The following ASGR2 variants were observed in gnomAD, a reference collection of about 807,000 sequenced individuals.
ASGR2 encodes C-type lectin domain family 4 member H2.
Under a neutral mutation model 32.3 loss-of-function variants are expected in ASGR2, and 34 were observed. The observed-to-expected ratio is 1.05, with a 90% confidence interval of 0.80 to 1.40. The LOEUF (loss-of-function observed/expected upper bound fraction) is 1.40. Among genes scored for constraint, ASGR2 ranks in the 40% most tolerant of loss-of-function variants. The pLI, the probability that ASGR2 is intolerant of heterozygous loss-of-function variation, is 0.00. For synonymous variants in ASGR2, 143 were observed against 150.0 expected (o/e 0.95, Z 0.34); for missense variants, 385 against 386.4 (o/e 1.00, Z 0.03).
Position 7,113,868 on chromosome 17 carries a change from C to T in ASGR2, c.124+249G>A, listed in dbSNP as rs572983834. Among the ~76,000 whole-genome samples the T allele has an allele frequency of 1.6e-3, 242 of 152,344 alleles. 1 individual carries two copies. Among genetic ancestry groups the T allele is most frequent in the Non-Finnish European group, 2.7e-3 (183 of 68,036 alleles). ...ATGCACATACGTGCACACGCACATA[C>T]GAGGCACATGTGTTCTTGGGTTGGG... On this transcript the variant is annotated intron_variant, in intron 2 of 8. Transcript: ENST00000691900. This position sits in a 1 kb window ranked among gnomAD's most constrained non-coding sequence, Gnocchi z 5.1.
intron 2 of ASGR2, among the ~76,000 whole-genome samples, chr17:7,111,158 G>A (rs529902279): frequency 1.4e-3 from 206 of 152,268 alleles, no homozygotes; most frequent in African/African-American, 4.8e-3. Context: ...GCAATGAAAC[G>A]GGAAAACACA....
At chr17:7,111,971 A>G (rs562452930) in intron 2 of ASGR2, among the ~76,000 whole-genome samples, 41 of 135,252 alleles carry the variant, frequency 3.0e-4, no homozygotes, top group Non-Finnish European at 5.9e-4. Flanking sequence ...TGAGCCCAGG[A>G]GGTGGAGGCC....
chr17:7,113,830 C>A lies in ASGR2; in HGVS notation c.124+287G>T, dbSNP rs116411060. On this transcript the variant is annotated intron_variant, in intron 2 of 8. Coordinates refer to ENST00000691900, the MANE Select transcript of ASGR2 (RefSeq NM_001201352.2). The surrounding 1 kb of genome is among the most constrained non-coding windows in gnomAD (Gnocchi z 5.1). ...CACACACACAGAGTCCCAGCTGAAT[C>A]TGCATTCCTCATATGCACATACGTG... Among the ~76,000 whole-genome samples the A allele has an allele frequency of 2.5e-3, 382 of 152,290 alleles. 2 individuals carry two copies. The highest frequency in any genetic ancestry group is 8.7e-3 in the African/African-American group (363 of 41,544).
Position 7,108,045 on chromosome 17 carries a change from GCACTGCCA to G in ASGR2, c.338-146_338-139del. On this transcript the variant is annotated intron_variant, in intron 4 of 8. Transcript: ENST00000691900. This position sits in a 1 kb window ranked among gnomAD's most constrained non-coding sequence, Gnocchi z 4.9. ...TTCCTGGACCACACCCAGGCTCCCT[GCACTGCCA>G]CAGTGGCTCAGGCCACTCTCCTGCT... 2 of 878,484 alleles carry G rather than the reference GCACTGCCA, an allele frequency of 2.3e-6. No individual in the cohort carries two copies. The highest frequency in any genetic ancestry group is 3.5e-6 in the Non-Finnish European group (2 of 569,624). 54.4% of individuals were successfully genotyped at this position (878,484 alleles called of 1,614,324 possible). A position where few individuals can be genotyped will look rare whatever the true frequency, so the allele number is the denominator to read the frequency against.
At chr17:7,105,426 C>A (rs1913529238) in intron 7 of ASGR2, among the ~76,000 whole-genome samples, 1 of 151,998 alleles carries the variant, frequency 6.6e-6, no homozygotes, top group Non-Finnish European at 1.5e-5. Flanking sequence ...ACCTGTAATC[C>A]CAATATTTTG....
At position 7,107,988 on chromosome 17, in the gene ASGR2, G is replaced by C. The variant is rs1264430365; in HGVS notation, c.338-81C>G. ...CTGGGGGACCGGGGGCCAGCGCCTC[G>C]TCCTGGGCGATGCAGGCGTCCACCT... On this transcript the variant is annotated intron_variant, in intron 4 of 8. Transcript: ENST00000691900. The surrounding 1 kb of genome is among the most constrained non-coding windows in gnomAD (Gnocchi z 5.0). The C allele has an allele frequency of 6.5e-7, 1 of 1,530,856 alleles. No individual in the cohort carries two copies. Among genetic ancestry groups the C allele is most frequent in the African/African-American group, 1.4e-5 (1 of 72,956 alleles). 94.8% of individuals were successfully genotyped at this position (1,530,856 alleles called of 1,614,324 possible). A position where few individuals can be genotyped will look rare whatever the true frequency, so the allele number is the denominator to read the frequency against.
At chr17:7,106,632 G>A (rs559507923) in intron 7 of ASGR2, among the ~76,000 whole-genome samples, 191 of 152,206 alleles carry the variant, frequency 1.3e-3, no homozygotes, top group African/African-American at 4.5e-3. Context: ...AGCCAGACGC[G>A]GTGGTTCACG....
rs1055383595 is a variant in ASGR2, at chr17:7,113,269, C to G, written c.124+848G>C. On this transcript the variant is annotated intron_variant, in intron 2 of 8. Coordinates refer to ENST00000691900, the MANE Select transcript of ASGR2 (RefSeq NM_001201352.2). The surrounding 1 kb of genome is among the most constrained non-coding windows in gnomAD (Gnocchi z 5.1). ...CTGTGCTCACGTCCCCCACCCATCC[C>G]AACTCACCCCACCTCTACACACACA... Among the ~76,000 whole-genome samples the G allele has an allele frequency of 9.4e-5, 14 of 149,676 alleles. No homozygotes were observed. The highest frequency in any genetic ancestry group is 1.8e-4 in the Non-Finnish European group (12 of 67,636).
rs1913954095 is a variant in ASGR2, at chr17:7,107,607, CACAT to C, written c.409+225_409+228del. ...CAGACTCATCTCACACACACCACCACACATGCATACACACACAACACACACATAT... is the reference window on the plus strand; with the variant it reads ...CAGACTCATCTCACACACACCACCACGCATACACACACAACACACACATAT... On this transcript the variant is annotated intron_variant, in intron 5 of 8. Coordinates refer to ENST00000691900, the MANE Select transcript of ASGR2 (RefSeq NM_001201352.2). The surrounding 1 kb of genome is among the most constrained non-coding windows in gnomAD (Gnocchi z 5.0). 1.5e-6 allele frequency: 1 copy of C among 659,106 alleles called. No individual in the cohort carries two copies. The highest frequency in any genetic ancestry group is 1.8e-5 in the African/African-American group (1 of 55,810). 40.8% of individuals were successfully genotyped at this position (659,106 alleles called of 1,614,324 possible). A position where few individuals can be genotyped will look rare whatever the true frequency, so the allele number is the denominator to read the frequency against.
Position 7,114,370 on chromosome 17 carries a change from G to T in ASGR2, c.-70-60C>A. 1 of 1,457,820 alleles carries T rather than the reference G, an allele frequency of 6.9e-7. No individual in the cohort carries two copies. Among genetic ancestry groups the T allele is most frequent in the Non-Finnish European group, 9.0e-7 (1 of 1,109,014 alleles). 90.3% of individuals were successfully genotyped at this position (1,457,820 alleles called of 1,614,324 possible). A position where few individuals can be genotyped will look rare whatever the true frequency, so the allele number is the denominator to read the frequency against. ...TGGTGGGATGGAACGCAGGGTCGGAGGGGTTCGGGGTGGTGGCCTGGGTAG... is the reference window on the plus strand; with the variant it reads ...TGGTGGGATGGAACGCAGGGTCGGATGGGTTCGGGGTGGTGGCCTGGGTAG... On this transcript the variant is annotated intron_variant, in intron 1 of 8. Coordinates refer to ENST00000691900, the MANE Select transcript of ASGR2 (RefSeq NM_001201352.2). This position sits in a 1 kb window ranked among gnomAD's most constrained non-coding sequence, Gnocchi z 4.5.
rs1488641339 is a variant in ASGR2 at position 7,113,675 on chromosome 17, C to A, written c.124+442G>T. Among the ~76,000 whole-genome samples the A allele has an allele frequency of 6.6e-6, 1 of 151,426 alleles. No individual in the cohort carries two copies. Among genetic ancestry groups the A allele is most frequent in the African/African-American group, 2.4e-5 (1 of 41,206 alleles). On this transcript the variant is annotated intron_variant, in intron 2 of 8. Coordinates refer to ENST00000691900, the MANE Select transcript of ASGR2 (RefSeq NM_001201352.2). The surrounding 1 kb of genome is among the most constrained non-coding windows in gnomAD (Gnocchi z 5.1). ...ACACTCACACACAAGATACACACAA[C>A]ATATACTCACACAACATACACACAC...
intron 7 of ASGR2, among the ~76,000 whole-genome samples, chr17:7,103,832 C>T (rs1913196040): frequency 6.6e-6 from 1 of 152,018 alleles, no homozygotes; most frequent in Non-Finnish European, 1.5e-5. Context: ...GCACAACGTG[C>T]AGGTTTGTTA....
chr17:7,105,711 A>T (rs1293645633), intron 7 of ASGR2, among the ~76,000 whole-genome samples: 1 of 152,096 alleles, frequency 6.6e-6, no homozygotes, highest in Non-Finnish European at 1.5e-5. Context: ...CCTATATAGG[A>T]GAAATACCTT....
chr17:7,102,709 C>T (rs758571159), intron 7 of ASGR2, among the ~76,000 whole-genome samples: 1 of 152,198 alleles, frequency 6.6e-6, no homozygotes, highest in African/African-American at 2.4e-5. Flanking sequence ...TTTCACTGGC[C>T]TCTCAAGTAC....
chr17:7,111,188 A>G (rs1367770163), intron 2 of ASGR2, among the ~76,000 whole-genome samples: 2 of 152,390 alleles, frequency 1.3e-5, no homozygotes, highest in African/African-American at 4.8e-5. Flanking sequence ...GAGGAGGTTC[A>G]TAAATATCAA....
chr17:7,110,263 C>T lies in ASGR2; in HGVS notation c.125-1375G>A, dbSNP rs74525166. 5.6e-3 allele frequency among the ~76,000 whole-genome samples: 847 copies of T among 152,284 alleles called. 9 individuals carry two copies. Among genetic ancestry groups the T allele is most frequent in the East Asian group, 0.051 (263 of 5,180 alleles). The stretch of plus-strand genomic sequence containing the variant: ...AGGCCTCTGACACCTCCACTGCCCA[C>T]TCCCGCTCTGAGCACAGCCCCACCC... On this transcript the variant is annotated intron_variant, in intron 2 of 8. Coordinates refer to ENST00000691900, the MANE Select transcript of ASGR2 (RefSeq NM_001201352.2).
chr17:7,107,977 G>A lies in ASGR2; in HGVS notation c.338-70C>T, dbSNP rs1597385096. 1.9e-6 allele frequency: 3 copies of A among 1,575,858 alleles called. No homozygotes were observed. Among genetic ancestry groups the A allele is most frequent in the East Asian group, 2.3e-5 (1 of 43,972 alleles). ...TCCTCATGCTGCTGGGGGACCGGGG[G>A]CCAGCGCCTCGTCCTGGGCGATGCA... is the stretch of plus-strand genomic sequence containing the variant. On this transcript the variant is annotated intron_variant, in intron 4 of 8. Transcript: ENST00000691900. This position sits in a 1 kb window ranked among gnomAD's most constrained non-coding sequence, Gnocchi z 5.0.
chr17:7,108,341 C>T lies in ASGR2; in HGVS notation c.337+121G>A. On this transcript the variant is annotated intron_variant, in intron 4 of 8. Transcript: ENST00000691900. The surrounding 1 kb of genome is among the most constrained non-coding windows in gnomAD (Gnocchi z 4.9). The stretch of plus-strand genomic sequence containing the variant: ...CCTCCCTCCTATACATCCCCCAGGG[C>T]CCCTGGACGCCTTGCCCAGCCTGCA... 4 of 1,031,484 alleles carry T rather than the reference C, an allele frequency of 3.9e-6. No individual in the cohort carries two copies. Among genetic ancestry groups the T allele is most frequent in the Non-Finnish European group, 5.6e-6 (4 of 708,608 alleles). The allele number at this position is 1,031,484 out of a possible 1,614,324, so 63.9% of individuals were successfully genotyped here.
In ASGR2 at chr17:7,108,219, G is replaced by A. The variant is rs1200371162; in HGVS notation, c.337+243C>T. On this transcript the variant is annotated intron_variant, in intron 4 of 8. Transcript: ENST00000691900. The surrounding 1 kb of genome is among the most constrained non-coding windows in gnomAD (Gnocchi z 4.9). The stretch of plus-strand genomic sequence containing the variant: ...CCCCTCCGATGGGCCTGCCACACTC[G>A]ATTTGCTCACAGGCCCAAGACATGG... 6.6e-6 allele frequency among the ~76,000 whole-genome samples: 1 copy of A among 152,012 alleles called. No homozygotes were observed. The highest frequency in any genetic ancestry group is 1.5e-5 in the Non-Finnish European group (1 of 68,008).
Sources: allele counts gnomAD v4.1 joint callset (sites outside exome capture counted in the v4.1 genomes callset), GRCh38; gene constraint gnomAD v4.1.1; non-coding constraint Gnocchi (gnomAD v3.1); transcripts MANE v1.5; gene names NCBI Gene and HGNC (gene_info 2026-07-23, HGNC 2026-07-21).